Variants in TSEN2 observed in about 807,000 individuals in gnomAD.
The protein encoded by TSEN2 is tRNA splicing endonuclease subunit 2, also known as tRNA-splicing endonuclease subunit Sen2.
A neutral mutation model predicts 59.2 loss-of-function variants in TSEN2; 54 were observed. That is an observed-to-expected ratio of 0.91 (90% confidence interval 0.73 to 1.14). TSEN2 has a LOEUF of 1.14. Ranked by LOEUF, TSEN2 falls within the 50% of genes most tolerant of loss-of-function variation. TSEN2 has a pLI of 0.00. For missense variants in TSEN2, 636 were observed against 576.2 expected (o/e 1.10, Z -1.06); for synonymous variants, 195 against 198.2 (o/e 0.98, Z 0.14).
chr3:12,510,967 C>CA (rs2055386061), intron 6 of TSEN2: 1 of 152,140 alleles, frequency 6.6e-6, no homozygotes. Context: ...CATATATACC[C>CA]AGACACACAG....
chr3:12,532,815 G>C lies in TSEN2; in HGVS notation c.*94G>C, dbSNP rs908792039. The C allele has an allele frequency of 8.4e-6, 10 of 1,187,886 alleles. No homozygotes were observed. The highest frequency in any genetic ancestry group is 1.8e-5 in the Admixed American group (1 of 57,134). The allele number at this position is 1,187,886 out of a possible 1,614,324, so 73.6% of individuals were successfully genotyped here. On this transcript the variant is annotated 3_prime_UTR_variant, in exon 12 of 12. Transcript: ENST00000284995. ...GTTGTAATCGTCCATTAATTCATAAGTTTTAAAGGGCATGGTGCTCCCAGC... is the reference window on the plus strand; with the variant it reads ...GTTGTAATCGTCCATTAATTCATAACTTTTAAAGGGCATGGTGCTCCCAGC...
intron 1 of TSEN2, among the ~76,000 whole-genome samples, chr3:12,489,405 C>G (rs2052980940): frequency 1.3e-5 from 2 of 152,048 alleles, no homozygotes; most frequent in Non-Finnish European, 2.9e-5. Context: ...ATTAGGAATT[C>G]CTGGTAGTAA....
At chr3:12,516,487 T>TGTGTGA in intron 6 of TSEN2, 124 bp from the exon 7 acceptor site, 2 of 689,996 alleles carry the variant, frequency 2.9e-6, no homozygotes, top group Non-Finnish European at 5.2e-6. Context: ...TGTGTGTGTG[T>TGTGTGA]GACCTTTTTG....
At position 12,503,309 on chromosome 3, in the gene TSEN2, G is replaced by C. The variant is rs2054487356; in HGVS notation, c.356G>C (p.Gly119Ala). 1.2e-6 allele frequency: 2 copies of C among 1,614,046 alleles called. No homozygotes were observed. Among genetic ancestry groups the C allele is most frequent in the Admixed American group, 1.7e-5 (1 of 59,992 alleles). ...EWAAELMRRQ[G>A]QDESTVRRIL... ...GCAGCAGAGCTGATGCGTAGACAGG[G>C]GCAGGATGAGAGTACAGTGCGCAGA... Residue 119 changes from glycine (G) to alanine (A), a missense_variant, in exon 5 of 12, where the codon GGG (glycine) becomes GCG (alanine). Coordinates refer to ENST00000284995, the MANE Select transcript of TSEN2 (RefSeq NM_025265.4).
intron 7 of TSEN2, among the ~76,000 whole-genome samples, chr3:12,516,876 A>G (rs2056178471): frequency 6.6e-6 from 1 of 152,232 alleles, no homozygotes; most frequent in South Asian, 2.1e-4. Context: ...TTCATTCCTC[A>G]AAACTAGGAG....
Position 12,529,807 on chromosome 3 carries a change from T to C in TSEN2, c.1182T>C (p.Ser394=), listed in dbSNP as rs780306222. 1.2e-6 allele frequency: 2 copies of C among 1,614,188 alleles called. No homozygotes were observed. Among genetic ancestry groups the C allele is most frequent in the Non-Finnish European group, 1.7e-6 (2 of 1,180,026 alleles). The change falls in exon 10 of 12, where the codon TCT becomes TCC. Residue 394 remains serine, a synonymous_variant. Coordinates refer to ENST00000284995, the MANE Select transcript of TSEN2 (RefSeq NM_025265.4). ...TAGTTGATGACCATTTTGAAGGCTCTCTCCGCAGGCCTCTCAGTTGGAAGT... is the reference window on the plus strand; with the variant it reads ...TAGTTGATGACCATTTTGAAGGCTCCCTCCGCAGGCCTCTCAGTTGGAAGT... ...IELVDDHFEG[S]LRRPLSWKSL... is the part of the protein sequence containing the mutation.
At position 12,517,357 on chromosome 3, in the gene TSEN2, C is replaced by CAAAAAAA. The variant is rs10663207; in HGVS notation, c.960+704_960+710dup. On this transcript the variant is annotated intron_variant, in intron 7 of 11. Coordinates refer to ENST00000284995, the MANE Select transcript of TSEN2 (RefSeq NM_025265.4). Reference sequence around the variant, plus strand: ...TGGGCGACAGACCGAGACTCTGTCTCAAAAAAAAAAAAAAGAATTTGCAGA... The same window carrying CAAAAAAA: ...TGGGCGACAGACCGAGACTCTGTCTCAAAAAAAAAAAAAAAAAAAAAGAATTTGCAGA... Among the ~76,000 whole-genome samples the CAAAAAAA allele has an allele frequency of 5.8e-4, 47 of 81,440 alleles. 1 individual carries two copies. Among genetic ancestry groups the CAAAAAAA allele is most frequent in the African/African-American group, 2.3e-3 (30 of 13,326 alleles). 53.4% of individuals were successfully genotyped at this position (81,440 alleles called of 152,430 possible). A position where few individuals can be genotyped will look rare whatever the true frequency, so the allele number is the denominator to read the frequency against.
At chr3:12,497,594 A>G (rs1466814093) in intron 4 of TSEN2, among the ~76,000 whole-genome samples, 2 of 152,188 alleles carry the variant, frequency 1.3e-5, no homozygotes, top group Admixed American at 6.5e-5. Context: ...CCACAGCAGA[A>G]ACCTAGGGAT....
At chr3:12,514,381 C>CA (rs1358969025) in intron 6 of TSEN2, among the ~76,000 whole-genome samples, 2 of 152,154 alleles carry the variant, frequency 1.3e-5, no homozygotes, top group African/African-American at 4.8e-5. Context: ...GCAGTGAAAT[C>CA]TCTTTGGAAA....
intron 5 of TSEN2, among the ~76,000 whole-genome samples, chr3:12,504,226 A>G (rs1366715449): frequency 6.6e-6 from 1 of 152,144 alleles, no homozygotes; most frequent in Non-Finnish European, 1.5e-5. Flanking sequence ...GCTAAATGGG[A>G]TATGAGATAC....
At chr3:12,517,004 A>T (rs774701561) in intron 7 of TSEN2, among the ~76,000 whole-genome samples, 6 of 152,242 alleles carry the variant, frequency 3.9e-5, no homozygotes, top group Non-Finnish European at 5.9e-5. Flanking sequence ...GCTATATTTT[A>T]GGTACTTTAC....
At chr3:12,499,427 T>C (rs1320029564) in intron 4 of TSEN2, among the ~76,000 whole-genome samples, 2 of 152,210 alleles carry the variant, frequency 1.3e-5, no homozygotes, top group African/African-American at 4.8e-5. Context: ...AAGTGAACAG[T>C]TGTGCTGTCC....
At chr3:12,534,103 A>G (rs1465418185), downstream of TSEN2, among the ~76,000 whole-genome samples, 1 of 152,152 alleles carries the variant, frequency 6.6e-6, no homozygotes, top group Non-Finnish European at 1.5e-5. Flanking sequence ...GCAGTCAGAA[A>G]TAGAGCCCTG....
chr3:12,521,459 A>T (rs184531727), intron 8 of TSEN2, among the ~76,000 whole-genome samples: 49 of 152,336 alleles, frequency 3.2e-4, no homozygotes, highest in African/African-American at 1.1e-3. Context: ...TCACGCCTGG[A>T]TTCTCAGCAC....
At chr3:12,539,051 G>A (rs927093462) in intron 10 of TSEN2, 57 of 398,696 alleles carry the variant, frequency 1.4e-4, no homozygotes, top group African/African-American at 1.2e-3. Context: ...TTTAAAAGGA[G>A]TGACCATTTC....
chr3:12,533,793 A>T (rs2057602264), downstream of TSEN2: 1 of 152,034 alleles, frequency 6.6e-6, no homozygotes, highest in Admixed American at 6.6e-5. Context: ...TCCAGACACT[A>T]CTTGAATGAT....
chr3:12,517,457 C>T (rs183156885), intron 7 of TSEN2, among the ~76,000 whole-genome samples: 3 of 151,456 alleles, frequency 2.0e-5, no homozygotes, highest in African/African-American at 4.9e-5. Context: ...AATAAATATT[C>T]GAACCTATGT....
At position 12,533,012 on chromosome 3, in the gene TSEN2, A is replaced by G; in HGVS notation, c.*291A>G. ...CCACTCACTGGGGAGATTGGACTAG[A>G]GGAGTCCTGAGAGGACACTTCCAAC... On this transcript the variant is annotated 3_prime_UTR_variant, in exon 12 of 12. Transcript: ENST00000284995. 2 of 516,008 alleles carry G rather than the reference A, an allele frequency of 3.9e-6. No individual in the cohort carries two copies. The highest frequency in any genetic ancestry group is 4.3e-5 in the South Asian group (2 of 46,536). 32.0% of individuals were successfully genotyped at this position (516,008 alleles called of 1,614,324 possible).
chr3:12,518,227 TAAC>T (rs1315176018), intron 7 of TSEN2, among the ~76,000 whole-genome samples: 1 of 152,262 alleles, frequency 6.6e-6, no homozygotes, highest in Non-Finnish European at 1.5e-5. Context: ...TGCCATCAGA[TAAC>T]AAATTCTCTA....
Sources: gnomAD v4.1 joint callset for allele counts (sites outside exome capture counted in the v4.1 genomes callset) on GRCh38, gnomAD v4.1.1 for gene constraint, MANE v1.5 for transcripts, NCBI Gene and HGNC (gene_info 2026-07-23, HGNC 2026-07-21) for gene names.